Variants in PPP1R3D observed in about 807,000 individuals in gnomAD.
PPP1R3D encodes the protein protein phosphatase 1 regulatory subunit 3D.
In PPP1R3D, 27 loss-of-function variants were observed where a neutral mutation model predicts 16.3. The ratio of observed to expected loss-of-function variants is 1.66; its 90% CI spans 1.22 to 2.29. The LOEUF (loss-of-function observed/expected upper bound fraction) is 2.29. PPP1R3D is among the 30% of genes most tolerant of loss of function. The pLI is 0.00. For missense variants in PPP1R3D, 472 were observed against 438.3 expected, an observed-to-expected ratio of 1.08 and a Z score of -0.69; for synonymous variants, 223 against 209.7, an observed-to-expected ratio of 1.06 and a Z score of -0.55.
At position 59,939,971 on chromosome 20, in the gene PPP1R3D, A is replaced by C. The variant is rs777340467; in HGVS notation, c.-40T>G. 1.6e-5 allele frequency: 20 copies of C among 1,252,416 alleles called. No homozygotes were observed. Among genetic ancestry groups the C allele is most frequent in the Non-Finnish European group, 1.8e-5 (18 of 991,090 alleles). The allele number at this position is 1,252,416 out of a possible 1,614,324, so 77.6% of individuals were successfully genotyped here. A position where few individuals can be genotyped will look rare whatever the true frequency, so the allele number is the denominator to read the frequency against. ...TCGGAAGATGAGGCAGGGATGAGAGACGACCTCCCGACCCCGCGACAGCTC... is the reference window on the plus strand; with the variant it reads ...TCGGAAGATGAGGCAGGGATGAGAGCCGACCTCCCGACCCCGCGACAGCTC... On this transcript the variant is annotated 5_prime_UTR_variant, in exon 1 of 1. Coordinates refer to ENST00000370996, the MANE Select transcript of PPP1R3D (RefSeq NM_006242.4).
In PPP1R3D at chr20:59,939,436, C is replaced by T. The variant is rs1267288697; in HGVS notation, c.496G>A (p.Ala166Thr). 1.2e-6 allele frequency: 2 copies of T among 1,611,208 alleles called. No individual in the cohort carries two copies. Among genetic ancestry groups the T allele is most frequent in the South Asian group, 1.1e-5 (1 of 90,996 alleles). Residue 166 changes from alanine (A) to threonine (T), a missense_variant, in exon 1 of 1, where the codon GCC (alanine) becomes ACC (threonine). Physicochemically the swap from Ala to Thr is moderately conservative, Grantham distance 58. Transcript: ENST00000370996. The part of the protein sequence containing the change: ...VPDFPPPVEA[A>T]DFGERLQRQL... Reference sequence around the variant, plus strand: ...CGCTGCAGGCGCTCGCCAAAGTCGGCGGCCTCGACGGGCGGCGGGAAATCG... The same window carrying T: ...CGCTGCAGGCGCTCGCCAAAGTCGGTGGCCTCGACGGGCGGCGGGAAATCG...
rs997358557 is a variant in PPP1R3D at position 59,939,106 on chromosome 20, T to C, written c.826A>G (p.Ser276Gly). The C allele has an allele frequency of 3.7e-6, 6 of 1,601,068 alleles. No individual in the cohort carries two copies. In the South Asian group the frequency reaches 5.5e-5, roughly 15 times the overall value. The change falls in exon 1 of 1, where the codon AGC becomes GGC. Residue 276 changes from serine to glycine, a missense_variant. By Grantham distance (56) the Ser-to-Gly change is moderately conservative. Coordinates refer to ENST00000370996, the MANE Select transcript of PPP1R3D (RefSeq NM_006242.4). ...YWDNNDHRDY[S>G]LTCRNHALHM... ...AGCGCGTGGTTGCGACATGTGAGGC[T>C]GTAGTCTCGGTGGTCGTTGTTGTCC...
chr20:59,939,854 G>A lies in PPP1R3D; in HGVS notation c.78C>T (p.Cys26=). Residue 26 remains cysteine, a synonymous_variant, in exon 1 of 1, where the codon TGC becomes TGT. Transcript: ENST00000370996. ...CCACGCCGCCGTCCAGGTCCGACAG[G>A]CAGCTGAGGCTCCGGGGGCCGAGCT... ...SRKLGPRSLS[C]LSDLDGGVAL... is the part of the protein sequence containing the mutation. 8.0e-7 allele frequency: 1 copy of A among 1,244,616 alleles called. No individual in the cohort carries two copies. The highest frequency in any genetic ancestry group is 1.0e-6 in the Non-Finnish European group (1 of 994,332). The allele number at this position is 1,244,616 out of a possible 1,614,324, so 77.1% of individuals were successfully genotyped here. A position where few individuals can be genotyped will look rare whatever the true frequency, so the allele number is the denominator to read the frequency against.
chr20:59,938,702 C>A lies in PPP1R3D; in HGVS notation c.*330G>T, dbSNP rs2060876666. ...ATTCAGGACACATGCAAAAGCTTTTCCTAGCAGGAGGACTTGGGCCTTTGC... is the reference window on the plus strand; with the variant it reads ...ATTCAGGACACATGCAAAAGCTTTTACTAGCAGGAGGACTTGGGCCTTTGC... On this transcript the variant is annotated 3_prime_UTR_variant, in exon 1 of 1. Coordinates refer to ENST00000370996, the MANE Select transcript of PPP1R3D (RefSeq NM_006242.4). 4.2e-6 allele frequency: 1 copy of A among 235,856 alleles called. No homozygotes were observed. The allele number at this position is 235,856 out of a possible 1,614,324, so 14.6% of individuals were successfully genotyped here.
chr20:59,937,838 ATATTT>A lies in PPP1R3D; in HGVS notation c.*1189_*1193del, dbSNP rs2060871615. 4 of 152,548 alleles carry A rather than the reference ATATTT, an allele frequency of 2.6e-5. No individual in the cohort carries two copies. The highest frequency in any genetic ancestry group is 9.6e-5 in the African/African-American group (4 of 41,472). The allele number at this position is 152,548 out of a possible 1,614,324, so 9.4% of individuals were successfully genotyped here. A position where few individuals can be genotyped will look rare whatever the true frequency, so the allele number is the denominator to read the frequency against. On this transcript the variant is annotated 3_prime_UTR_variant, in exon 1 of 1. Coordinates refer to ENST00000370996, the MANE Select transcript of PPP1R3D (RefSeq NM_006242.4). Reference sequence around the variant, plus strand: ...CGGTTTAAAAACATAAAAGAATTTTATATTTTAAAACTGACAAACTAGAAAATGTT... The same window carrying A: ...CGGTTTAAAAACATAAAAGAATTTTATAAAACTGACAAACTAGAAAATGTT...
chr20:59,939,325 G>A lies in PPP1R3D; in HGVS notation c.607C>T (p.Gln203Ter). ...VRVCNVAFEK[Q>*]VAVRYTFSGW... ...GAGAAAGTGTAGCGCACAGCCACCT[G>A]CTTCTCGAAGGCCACGTTGCACACG... Residue 203 changes from glutamine (Q) to a stop codon, truncating the protein, a stop_gained, in exon 1 of 1, where the codon CAG (glutamine) becomes TAG (stop). Transcript: ENST00000370996. LOFTEE classifies it high-confidence loss of function. The A allele has an allele frequency of 6.2e-7, 1 of 1,611,686 alleles. No individual in the cohort carries two copies. Among genetic ancestry groups the A allele is most frequent in the South Asian group, 1.1e-5 (1 of 91,080 alleles).
At position 59,936,771 on chromosome 20, in the gene PPP1R3D, T is replaced by C. The variant is rs201204259; in HGVS notation, c.*2261A>G. The C allele has an allele frequency of 2.4e-4, 37 of 152,350 alleles. No homozygotes were observed. The East Asian group carries it at 3.9e-3, about 16-fold the overall frequency. The allele number at this position is 152,350 out of a possible 1,614,324, so 9.4% of individuals were successfully genotyped here. On this transcript the variant is annotated 3_prime_UTR_variant, in exon 1 of 1. Transcript: ENST00000370996. ...ATTTAGACAAGAAGTTTCTAAAGCTTGGTCTTCTGTAATTAGGCCACAAGA... is the reference window on the plus strand; with the variant it reads ...ATTTAGACAAGAAGTTTCTAAAGCTCGGTCTTCTGTAATTAGGCCACAAGA...
rs145854325 is a variant in PPP1R3D at position 59,939,217 on chromosome 20, C to G, written c.715G>C (p.Gly239Arg). 3.1e-6 allele frequency: 5 copies of G among 1,610,628 alleles called. No individual in the cohort carries two copies. Among genetic ancestry groups the G allele is most frequent in the Non-Finnish European group, 3.4e-6 (4 of 1,178,148 alleles). ...PEGTEDVFTF[G>R]FPVPPFLLEL... Reference sequence around the variant, plus strand: ...AGCAGGAAGGGCGGTACTGGAAAGCCGAAGGTGAAAACGTCCTCCGTGCCC... The same window carrying G: ...AGCAGGAAGGGCGGTACTGGAAAGCGGAAGGTGAAAACGTCCTCCGTGCCC... The change falls in exon 1 of 1, where the codon GGC (glycine) becomes CGC (arginine). Residue 239 changes from glycine to arginine, a missense_variant. By Grantham distance (125) the Gly-to-Arg change is moderately radical. Coordinates refer to ENST00000370996, the MANE Select transcript of PPP1R3D (RefSeq NM_006242.4).
rs2060867492 is a variant in PPP1R3D, at chr20:59,937,160, T to C, written c.*1872A>G. 6.5e-6 allele frequency: 1 copy of C among 152,690 alleles called. No homozygotes were observed. The highest frequency in any genetic ancestry group is 1.5e-5 in the Non-Finnish European group (1 of 68,050). The allele number at this position is 152,690 out of a possible 1,614,324, so 9.5% of individuals were successfully genotyped here. ...AGTGACTTTCACATAGATTATGAGA[T>C]TCTCTACATGCCTTAAAATAAATCT... On this transcript the variant is annotated 3_prime_UTR_variant, in exon 1 of 1. Transcript: ENST00000370996.
Position 59,939,331 on chromosome 20 carries a change from C to G in PPP1R3D, c.601G>C (p.Glu201Gln), listed in dbSNP as rs766226789. 26 of 1,611,452 alleles carry G rather than the reference C, an allele frequency of 1.6e-5. No individual in the cohort carries two copies. In the South Asian group the frequency reaches 2.0e-4, roughly 12 times the overall value. Residue 201 changes from glutamate (E) to glutamine (Q), a missense_variant, in exon 1 of 1, where the codon GAG becomes CAG. By Grantham distance (29) the Glu-to-Gln change is conservative. Transcript: ENST00000370996. ...GTGTAGCGCACAGCCACCTGCTTCT[C>G]GAAGGCCACGTTGCACACGCGCACC... ...GTVRVCNVAF[E>Q]KQVAVRYTFS...
rs1601041022 is a variant in PPP1R3D at position 59,939,322 on chromosome 20, C to T, written c.610G>A (p.Val204Met). ...RVCNVAFEKQ[V>M]AVRYTFSGWR... is the part of the protein sequence containing the mutation. ...CCCGAGAAAGTGTAGCGCACAGCCA[C>T]CTGCTTCTCGAAGGCCACGTTGCAC... is the stretch of plus-strand genomic sequence containing the variant. Residue 204 changes from valine (V) to methionine (M), a missense_variant, in exon 1 of 1, where the codon GTG becomes ATG. Val to Met is a conservative substitution (Grantham distance 21, BLOSUM62 1). Transcript: ENST00000370996. 1 of 1,611,966 alleles carries T rather than the reference C, an allele frequency of 6.2e-7. No homozygotes were observed.
rs932853917 is a variant in PPP1R3D, at chr20:59,939,941, G to T, written c.-10C>A. The T allele has an allele frequency of 1.6e-6, 2 of 1,264,832 alleles. No homozygotes were observed. Among genetic ancestry groups the T allele is most frequent in the East Asian group, 3.1e-5 (1 of 32,648 alleles). 78.4% of individuals were successfully genotyped at this position (1,264,832 alleles called of 1,614,324 possible). A position where few individuals can be genotyped will look rare whatever the true frequency, so the allele number is the denominator to read the frequency against. On this transcript the variant is annotated 5_prime_UTR_variant, in exon 1 of 1. Transcript: ENST00000370996. Reference sequence around the variant, plus strand: ...TCGGGCCTCTGGACATGGCCCCGCCGGCCGTCGGAAGATGAGGCAGGGATG... The same window carrying T: ...TCGGGCCTCTGGACATGGCCCCGCCTGCCGTCGGAAGATGAGGCAGGGATG...
In PPP1R3D at chr20:59,938,296, T is replaced by C. The variant is rs2060873981; in HGVS notation, c.*736A>G. Reference sequence around the variant, plus strand: ...TGCAGAGAAATAACTGTTTTGCTAGTTTAAAAGTCTGAAGCTTTTCCCTCC... The same window carrying C: ...TGCAGAGAAATAACTGTTTTGCTAGCTTAAAAGTCTGAAGCTTTTCCCTCC... On this transcript the variant is annotated 3_prime_UTR_variant, in exon 1 of 1. Coordinates refer to ENST00000370996, the MANE Select transcript of PPP1R3D (RefSeq NM_006242.4). 1 of 152,296 alleles carries C rather than the reference T, an allele frequency of 6.6e-6. No individual in the cohort carries two copies. Among genetic ancestry groups the C allele is most frequent in the Non-Finnish European group, 1.5e-5 (1 of 68,062 alleles). The allele number at this position is 152,296 out of a possible 1,614,324, so 9.4% of individuals were successfully genotyped here. A position where few individuals can be genotyped will look rare whatever the true frequency, so the allele number is the denominator to read the frequency against.
Position 59,940,042 on chromosome 20 carries a change from G to T in PPP1R3D, c.-111C>A. 1.1e-6 allele frequency: 1 copy of T among 939,730 alleles called. No individual in the cohort carries two copies. The highest frequency in any genetic ancestry group is 1.7e-5 in the African/African-American group (1 of 58,288). 58.2% of individuals were successfully genotyped at this position (939,730 alleles called of 1,614,324 possible). On this transcript the variant is annotated 5_prime_UTR_variant, in exon 1 of 1. Transcript: ENST00000370996. ...AGAGAGTCCACCGTATCTGCAACCT[G>T]CGGGGGACCTCTCGGGCCCGGTGCG... is the stretch of plus-strand genomic sequence containing the variant.
In PPP1R3D at chr20:59,939,327, T is replaced by C. The variant is rs372312575; in HGVS notation, c.605A>G (p.Lys202Arg). 2.5e-6 allele frequency: 4 copies of C among 1,611,588 alleles called. No homozygotes were observed. Among genetic ancestry groups the C allele is most frequent in the Non-Finnish European group, 3.4e-6 (4 of 1,179,812 alleles). ...TVRVCNVAFEKQVAVRYTFSG... is the reference protein window; with the variant it reads ...TVRVCNVAFERQVAVRYTFSG... Reference sequence around the variant, plus strand: ...GAAAGTGTAGCGCACAGCCACCTGCTTCTCGAAGGCCACGTTGCACACGCG... The same window carrying C: ...GAAAGTGTAGCGCACAGCCACCTGCCTCTCGAAGGCCACGTTGCACACGCG... Residue 202 changes from lysine (K) to arginine (R), a missense_variant, in exon 1 of 1, where the codon AAG becomes AGG. Transcript: ENST00000370996.
Position 59,936,851 on chromosome 20 carries a change from T to C in PPP1R3D, c.*2181A>G, listed in dbSNP as rs1170543989. ...CACAACTGTTTTTGCACATATACTTTAATACTTAGGCTTGGGTAAAATCAT... is the reference window on the plus strand; with the variant it reads ...CACAACTGTTTTTGCACATATACTTCAATACTTAGGCTTGGGTAAAATCAT... On this transcript the variant is annotated 3_prime_UTR_variant, in exon 1 of 1. Transcript: ENST00000370996. The C allele has an allele frequency of 9.8e-5, 15 of 152,366 alleles. No homozygotes were observed. Among genetic ancestry groups the C allele is most frequent in the Non-Finnish European group, 5.9e-5 (4 of 68,040 alleles). The allele number at this position is 152,366 out of a possible 1,614,324, so 9.4% of individuals were successfully genotyped here.
rs2060887738 is a variant in PPP1R3D at position 59,939,734 on chromosome 20, G to C, written c.198C>G (p.Pro66=). ...GTGAGCGCGCCCGCCGCAGGATGAT[G>C]GGCCGCAGGCGGGGGTCGCAGCCCG... ...APSGCDPRLR[P]IILRRARSLP... is the part of the protein sequence containing the mutation. Residue 66 remains proline (P), a synonymous_variant, in exon 1 of 1, where the codon CCC becomes CCG. Coordinates refer to ENST00000370996, the MANE Select transcript of PPP1R3D (RefSeq NM_006242.4). 5 of 1,252,206 alleles carry C rather than the reference G, an allele frequency of 4.0e-6. No individual in the cohort carries two copies. Among genetic ancestry groups the C allele is most frequent in the Admixed American group, 8.6e-5 (2 of 23,284 alleles). 77.6% of individuals were successfully genotyped at this position (1,252,206 alleles called of 1,614,324 possible). A position where few individuals can be genotyped will look rare whatever the true frequency, so the allele number is the denominator to read the frequency against.
Position 59,939,175 on chromosome 20 carries a change from C to A in PPP1R3D, c.757G>T (p.Val253Leu), listed in dbSNP as rs567847258. The change falls in exon 1 of 1, where the codon GTG becomes TTG. Residue 253 changes from valine (V) to leucine (L), a missense_variant. Physicochemically the swap from Val to Leu is conservative, Grantham distance 32. Coordinates refer to ENST00000370996, the MANE Select transcript of PPP1R3D (RefSeq NM_006242.4). ...PPFLLELGSR[V>L]HFAVRYQVAG... ...ACTTGGTAGCGCACCGCGAAGTGCA[C>A]GCGGGAGCCGAGCTCCAGCAGGAAG... 1 of 1,609,724 alleles carries A rather than the reference C, an allele frequency of 6.2e-7. No homozygotes were observed. Among genetic ancestry groups the A allele is most frequent in the Non-Finnish European group, 8.5e-7 (1 of 1,177,096 alleles).
chr20:59,939,204 G>C lies in PPP1R3D; in HGVS notation c.728C>G (p.Pro243Arg), dbSNP rs753780608. Residue 243 changes from proline (P) to arginine (R), a missense_variant, in exon 1 of 1, where the codon CCG becomes CGG. Coordinates refer to ENST00000370996, the MANE Select transcript of PPP1R3D (RefSeq NM_006242.4). ...GGAGCCGAGCTCCAGCAGGAAGGGC[G>C]GTACTGGAAAGCCGAAGGTGAAAAC... is the stretch of plus-strand genomic sequence containing the variant. ...EDVFTFGFPVPPFLLELGSRV... is the reference protein window; with the variant it reads ...EDVFTFGFPVRPFLLELGSRV... 6.1e-5 allele frequency: 99 copies of C among 1,609,896 alleles called. No individual in the cohort carries two copies. Among genetic ancestry groups the C allele is most frequent in the Non-Finnish European group, 8.2e-5 (97 of 1,177,340 alleles).
Sources: gnomAD v4.1 joint callset for allele counts on GRCh38, gnomAD v4.1.1 for gene constraint, MANE v1.5 for transcripts, NCBI Gene and HGNC (gene_info 2026-07-23, HGNC 2026-07-21) for gene names.